The following ZNF560 variants were observed in gnomAD, a reference collection of about 807,000 sequenced individuals.
The protein encoded by ZNF560 is zinc finger protein 560.
In ZNF560, 54 loss-of-function variants were observed where a neutral mutation model predicts 81.8. The observed-to-expected ratio is 0.66, with a 90% CI of 0.53 to 0.83. The LOEUF (loss-of-function observed/expected upper bound fraction) is 0.83. ZNF560 is among the 40% of genes least tolerant of loss of function. The probability of loss-of-function intolerance (pLI) is 0.00; values close to 1 mark genes in which losing one functional copy is unlikely to be tolerated. For missense variants in ZNF560, 940 were observed against 932.4 expected (o/e 1.01, Z -0.11); for synonymous variants, 321 against 317.9 (o/e 1.01, Z -0.10).
chr19:9,469,629 C>G lies in ZNF560; in HGVS notation c.529+1G>C. 1 of 1,614,044 alleles carries G rather than the reference C, an allele frequency of 6.2e-7. No individual in the cohort carries two copies. The highest frequency in any genetic ancestry group is 8.5e-7 in the Non-Finnish European group (1 of 1,179,916). ...CAGGGTTGTTCTTCACAAACACTCA[C>G]CTTGGAGAACTCTTGGCAGTGTGCT... On this transcript the variant is annotated splice_donor_variant, in intron 8 of 9. Transcript: ENST00000301480. LOFTEE classifies it high-confidence loss of function.
At chr19:9,463,903 G>C (rs565698214), downstream of ZNF560, among the ~76,000 whole-genome samples, 3 of 152,196 alleles carry the variant, frequency 2.0e-5, no homozygotes, top group African/African-American at 7.2e-5. Context: ...GGCTGGTCTT[G>C]AACTCCTGAG....
chr19:9,451,393 GT>G, the ZNF560 span, among the ~76,000 whole-genome samples: 2 of 152,170 alleles, frequency 1.3e-5, no homozygotes, highest in Non-Finnish European at 2.9e-5. Context: ...TCAATAAATG[GT>G]ACTGGGAATA....
At chr19:9,495,721 G>A (rs138295761) in intron 2 of ZNF560, among the ~76,000 whole-genome samples, 30 of 152,020 alleles carry the variant, frequency 2.0e-4, no homozygotes, top group Admixed American at 7.9e-4. Context: ...AGTCGGGGGC[G>A]GGGAAAGAAA....
downstream of ZNF560, among the ~76,000 whole-genome samples, chr19:9,461,803 G>A (rs1196403368): frequency 6.6e-6 from 1 of 152,180 alleles, no homozygotes; most frequent in African/African-American, 2.4e-5. Context: ...AAAGTATCTG[G>A]AAGGACACTC....
chr19:9,469,037 G>T, intron 9 of ZNF560, 68 bp downstream of exon 9: 1 of 1,299,898 alleles, frequency 7.7e-7, no homozygotes, highest in Non-Finnish European at 1.1e-6. Context: ...CATTTCTGCT[G>T]ATTTCTATAA....
At chr19:9,500,004 A>C (rs532128787), upstream of ZNF560, among the ~76,000 whole-genome samples, 1 of 152,308 alleles carries the variant, frequency 6.6e-6, no homozygotes, top group Non-Finnish European at 1.5e-5. Context: ...TATATATCAA[A>C]TATCACCTAT....
At chr19:9,465,710 T>C (rs2073004251), downstream of ZNF560, among the ~76,000 whole-genome samples, 1 of 152,178 alleles carries the variant, frequency 6.6e-6, no homozygotes, top group African/African-American at 2.4e-5. Flanking sequence ...ATGGGTTTCT[T>C]GGCCAGGCGC....
chr19:9,490,958 T>C (rs2073462968), intron 2 of ZNF560, among the ~76,000 whole-genome samples: 1 of 152,180 alleles, frequency 6.6e-6, no homozygotes, highest in Non-Finnish European at 1.5e-5. Context: ...CTTCAGAGGT[T>C]TTGCTATTAC....
chr19:9,471,260 G>A (rs2144691139), intron 6 of ZNF560, 36 bp downstream of exon 6: 1 of 1,445,076 alleles, frequency 6.9e-7, no homozygotes. Flanking sequence ...TATTCTCTGA[G>A]TGTGAAAAAT....
At chr19:9,451,694 A>G in the ZNF560 span, among the ~76,000 whole-genome samples, 1 of 152,190 alleles carries the variant, frequency 6.6e-6, no homozygotes, top group African/African-American at 2.4e-5. Context: ...AAAAGAAAAT[A>G]TTTTCAAATT....
chr19:9,477,196 T>C (rs190476925), intron 2 of ZNF560, among the ~76,000 whole-genome samples: 2 of 152,170 alleles, frequency 1.3e-5, no homozygotes, highest in Admixed American at 6.5e-5. Flanking sequence ...TATATACACA[T>C]ACATATGTGC....
chr19:9,446,347 A>G, the ZNF560 span, among the ~76,000 whole-genome samples: 1 of 149,104 alleles, frequency 6.7e-6, no homozygotes, highest in Middle Eastern at 3.4e-3. Flanking sequence ...CTAAACCAGA[A>G]CCAATTTTGC....
Position 9,467,732 on chromosome 19 carries a change from C to T in ZNF560, c.1215G>A (p.Gly405=). ...VRTHTGEKPY[G]CKECGKAFGT... Reference sequence around the variant, plus strand: ...CAAAGGCTTTACCACATTCCTTACACCCATAGGGCTTCTCTCCAGTGTGAG... The same window carrying T: ...CAAAGGCTTTACCACATTCCTTACATCCATAGGGCTTCTCTCCAGTGTGAG... Residue 405 remains glycine, a synonymous_variant, in exon 10 of 10, where the codon GGG becomes GGA. Transcript: ENST00000301480. 2 of 1,613,678 alleles carry T rather than the reference C, an allele frequency of 1.2e-6. No homozygotes were observed. Among genetic ancestry groups the T allele is most frequent in the Non-Finnish European group, 1.7e-6 (2 of 1,179,888 alleles).
At chr19:9,449,891 C>T in the ZNF560 span, among the ~76,000 whole-genome samples, 2 of 149,134 alleles carry the variant, frequency 1.3e-5, no homozygotes, top group African/African-American at 5.0e-5. Context: ...ATCACTTGAA[C>T]CCAGGAGGCG....
At chr19:9,502,396 G>A (rs1419008675), upstream of ZNF560, among the ~76,000 whole-genome samples, 1 of 151,928 alleles carries the variant, frequency 6.6e-6, no homozygotes, top group Non-Finnish European at 1.5e-5. Flanking sequence ...GTTTTTAGTA[G>A]AGATGGGGTT....
At chr19:9,480,752 C>A (rs1177956555) in intron 2 of ZNF560, among the ~76,000 whole-genome samples, 1 of 151,866 alleles carries the variant, frequency 6.6e-6, no homozygotes, top group Non-Finnish European at 1.5e-5. Context: ...CCAGCCTGAG[C>A]AACATAGCAA....
chr19:9,468,436 A>G, intron 9 of ZNF560, 102 bp from the exon 10 acceptor site: 4 of 833,804 alleles, frequency 4.8e-6, no homozygotes, highest in Admixed American at 3.3e-5. Context: ...TGCCACTTTT[A>G]TAACATGCAT....
the ZNF560 span, among the ~76,000 whole-genome samples, chr19:9,446,045 C>T: frequency 2.0e-5 from 3 of 152,166 alleles, no homozygotes; most frequent in Non-Finnish European, 4.4e-5. Context: ...GAAACCACCC[C>T]TCCCACCCCC....
the ZNF560 span, among the ~76,000 whole-genome samples, chr19:9,449,002 G>A: frequency 1.1e-4 from 17 of 152,264 alleles, no homozygotes; most frequent in East Asian, 1.5e-3. Flanking sequence ...TGGAGCATTC[G>A]CATTCATAAA....
Sources: allele counts gnomAD v4.1 joint callset (sites outside exome capture counted in the v4.1 genomes callset), GRCh38; gene constraint gnomAD v4.1.1; transcripts MANE v1.5; gene names NCBI Gene and HGNC (gene_info 2026-07-23, HGNC 2026-07-21).